The following KAZN variants were observed in gnomAD, a reference collection of about 807,000 sequenced individuals.
KAZN encodes kazrin.
KAZN carries 40 observed loss-of-function variants against 87.4 expected under a neutral mutation model. That is an observed-to-expected ratio of 0.46 (90% CI 0.36 to 0.60). The LOEUF is 0.60. Ranked by LOEUF, KAZN falls within the 20% of genes least tolerant of loss-of-function variation. The pLI is 0.00. For missense variants in KAZN, 898 were observed against 1,073.9 expected (o/e 0.84, Z 2.29); for synonymous variants, 466 against 458.3 (o/e 1.02, Z -0.22).
intron 1 of KAZN, among the ~76,000 whole-genome samples, chr1:14,674,247 A>G (rs1204878423): frequency 1.3e-5 from 2 of 152,242 alleles, no homozygotes; most frequent in Non-Finnish European, 2.9e-5. Context: ...GAAAGTCAAC[A>G]GCAGAACTGA....
rs545970454 is a variant in KAZN, at chr1:15,056,414, A to C, written c.916+134A>C. On this transcript the variant is annotated intron_variant, in intron 5 of 14. Transcript: ENST00000376030. The surrounding 1 kb of genome is among the most constrained non-coding windows in gnomAD (Gnocchi z 5.4). ...GGCGTGGGACAGAGACCTTGGGCTC[A>C]TGTAACTGAAAAATCTAAGAGATGG... 21 of 865,110 alleles carry C rather than the reference A, an allele frequency of 2.4e-5. No homozygotes were observed. In the South Asian group the frequency reaches 4.1e-4, roughly 17 times the overall value. 53.6% of individuals were successfully genotyped at this position (865,110 alleles called of 1,614,324 possible).
intron 2 of KAZN, among the ~76,000 whole-genome samples, chr1:14,368,750 A>G (rs1369986650): frequency 6.6e-6 from 1 of 152,246 alleles, no homozygotes; most frequent in African/African-American, 2.4e-5. Flanking sequence ...TCAACTTTCA[A>G]CAATCGATTT....
chr1:14,025,978 G>A lies in KAZN; in HGVS notation c.91+132222G>A, dbSNP rs182897076. Among the ~76,000 whole-genome samples, 119 of 152,154 alleles carry A rather than the reference G, an allele frequency of 7.8e-4. 1 individual carries two copies. Among genetic ancestry groups the A allele is most frequent in the African/African-American group, 2.7e-3 (111 of 41,504 alleles). On this transcript the variant is annotated intron_variant, in intron 1 of 16. Coordinates refer to the KAZN transcript ENST00000636203. ...GAGTGGTCTTTGTTCTCACTCTCCC[G>A]CACTTCCTTTTCACCCCAAATGAGT...
intron 4 of KAZN, among the ~76,000 whole-genome samples, chr1:15,052,319 TG>T (rs1231762975): frequency 3.9e-5 from 6 of 152,140 alleles, no homozygotes; most frequent in Non-Finnish European, 8.8e-5. Context: ...ACGTCTTACA[TG>T]GTGGCAGGCG....
intron 1 of KAZN, among the ~76,000 whole-genome samples, chr1:14,120,777 G>A (rs1003867473): frequency 6.6e-6 from 1 of 152,192 alleles, no homozygotes; most frequent in Non-Finnish European, 1.5e-5. Flanking sequence ...GTCTGATCTT[G>A]CTTTCTCCAA....
At chr1:14,146,468 G>T (rs1291807545) in intron 1 of KAZN, among the ~76,000 whole-genome samples, 3 of 148,574 alleles carry the variant, frequency 2.0e-5, no homozygotes, top group Non-Finnish European at 4.4e-5. Flanking sequence ...CCTGGGAGAC[G>T]GAAGTTGCAG....
intron 1 of KAZN, among the ~76,000 whole-genome samples, chr1:14,823,504 G>T (rs1006830738): frequency 6.6e-6 from 1 of 152,128 alleles, no homozygotes; most frequent in Non-Finnish European, 1.5e-5. Flanking sequence ...TTGGGGGGTC[G>T]CTTTGGTTGT....
rs146529584 is a variant in KAZN, at chr1:14,803,293, A to G, written c.227-157391A>G. 8.5e-4 allele frequency among the ~76,000 whole-genome samples: 130 copies of G among 152,324 alleles called. No homozygotes were observed. In the East Asian group the frequency reaches 0.022, roughly 26 times the overall value. On this transcript the variant is annotated intron_variant, in intron 1 of 14. Coordinates refer to ENST00000376030, the MANE Select transcript of KAZN (RefSeq NM_201628.3). ...GGTGGGGATTAGCGGAGGGGGATTC[A>G]GCCCCGGATGTAGCTGACCTGTTTC...
At chr1:15,002,113 C>T (rs2102020928) in intron 2 of KAZN, among the ~76,000 whole-genome samples, 1 of 152,180 alleles carries the variant, frequency 6.6e-6, no homozygotes, top group South Asian at 2.1e-4. Flanking sequence ...ATCTCCTGAC[C>T]TTGTGATCCA....
At chr1:14,328,739 T>C (rs1171374399) in intron 2 of KAZN, among the ~76,000 whole-genome samples, 1 of 48,592 alleles carries the variant, frequency 2.1e-5, no homozygotes, top group African/African-American at 8.0e-5. Flanking sequence ...TAAGAAGACA[T>C]CCCTAACTGA....
intron 1 of KAZN, among the ~76,000 whole-genome samples, chr1:13,918,815 A>G (rs942613678): frequency 6.6e-6 from 1 of 152,206 alleles, no homozygotes; most frequent in Non-Finnish European, 1.5e-5. Flanking sequence ...AAAGGCTCAG[A>G]AGAGTATTAG....
intron 2 of KAZN, among the ~76,000 whole-genome samples, chr1:14,287,367 C>A (rs1653335999): frequency 6.6e-6 from 1 of 152,160 alleles, no homozygotes; most frequent in East Asian, 1.9e-4. Flanking sequence ...GAAACCTGGG[C>A]ATAATGCACC....
At chr1:14,601,702 C>T (rs528143311) in intron 1 of KAZN, among the ~76,000 whole-genome samples, 5 of 152,322 alleles carry the variant, frequency 3.3e-5, no homozygotes, top group African/African-American at 1.2e-4. Context: ...TCTGACTGTT[C>T]TTCCAAATTA....
intron 2 of KAZN, among the ~76,000 whole-genome samples, chr1:14,315,517 C>T (rs1278748943): frequency 2.6e-5 from 4 of 152,010 alleles, no homozygotes; most frequent in Non-Finnish European, 5.9e-5. Flanking sequence ...TTAATATTAC[C>T]TTAAAATATT....
intron 13 of KAZN, among the ~76,000 whole-genome samples, chr1:15,106,455 G>C (rs1641298616): frequency 6.6e-6 from 1 of 152,160 alleles, no homozygotes; most frequent in Non-Finnish European, 1.5e-5. Context: ...CTGAATATTA[G>C]CAGGCATTTG....
chr1:13,947,708 A>T (rs12135874), intron 1 of KAZN, among the ~76,000 whole-genome samples: 21,125 of 152,158 alleles, frequency 0.14, 1,558 homozygotes, highest in Middle Eastern at 0.22. Context: ...TCTCAGGTCA[A>T]GGTGTCAGCG....
At chr1:14,324,459 A>G (rs1408786604) in intron 2 of KAZN, among the ~76,000 whole-genome samples, 2 of 152,208 alleles carry the variant, frequency 1.3e-5, no homozygotes, top group Non-Finnish European at 2.9e-5. Context: ...AACCTTGCTC[A>G]TGAAGCCTCC....
intron 2 of KAZN, among the ~76,000 whole-genome samples, chr1:14,466,809 A>C (rs1453064535): frequency 1.3e-5 from 2 of 150,666 alleles, no homozygotes; most frequent in East Asian, 2.0e-4. Context: ...TCTACTAAAA[A>C]TACAAAAAAA....
At chr1:14,916,170 C>CTTTTTTTTTTTTTTTTT (rs71307000) in intron 1 of KAZN, among the ~76,000 whole-genome samples, 8 of 113,598 alleles carry the variant, frequency 7.0e-5, no homozygotes, top group African/African-American at 2.8e-4. Context: ...CACTGTTGTT[C>CTTTTTTTTTTTTTTTTT]TTTTTTTTTT....
Sources: allele counts gnomAD v4.1 joint callset (sites outside exome capture counted in the v4.1 genomes callset), GRCh38; gene constraint gnomAD v4.1.1; non-coding constraint Gnocchi (gnomAD v3.1); transcripts MANE v1.5; gene names NCBI Gene and HGNC (gene_info 2026-07-23, HGNC 2026-07-21).